The following IL27 variants were observed in gnomAD, a reference collection of about 807,000 sequenced individuals.
IL27 encodes interleukin-27 subunit alpha.
IL27 carries 11 observed loss-of-function variants against 27.0 expected under a neutral mutation model. The observed-to-expected ratio is 0.41, with a 90% CI of 0.26 to 0.67. The LOEUF (loss-of-function observed/expected upper bound fraction) is 0.67, where lower values mean the gene tolerates loss of function less well. IL27 is among the 30% of genes least tolerant of loss of function. IL27 has a pLI of 0.34. For synonymous variants in IL27, 134 were observed against 140.6 expected (o/e 0.95, Z 0.33); for missense variants, 299 against 310.4 (o/e 0.96, Z 0.28).
In IL27 at chr16:28,501,966, C is replaced by A. The variant is rs562619133; in HGVS notation, c.462+10G>T. On this transcript the variant is annotated intron_variant, in intron 4 of 4. Transcript: ENST00000356897. ...GTGGTCTGGGGTGGTGGAGGGTGGC[C>A]GGGCTCTACCTGGAAGCGGAGGTGC... 6.3e-7 allele frequency: 1 copy of A among 1,598,786 alleles called. No homozygotes were observed.
At position 28,499,903 on chromosome 16, in the gene IL27, GA is replaced by G; in HGVS notation, c.479del (p.Phe160SerfsTer80). The G allele has an allele frequency of 6.5e-7, 1 of 1,549,552 alleles. No individual in the cohort carries two copies. Among genetic ancestry groups the G allele is most frequent in the Non-Finnish European group, 8.7e-7 (1 of 1,145,588 alleles). On this transcript the variant is annotated frameshift_variant, in exon 5 of 5. Transcript: ENST00000356897. LOFTEE classifies it high-confidence loss of function. ...HLRFQVLAAG[F>X]NLPEEEEEEE... ...CCTCCTCCTCCTCCTCCGGGAGGTTGAATCCTGCAGCCAGCACCTGTGAGGA... is the reference window on the plus strand; with the variant it reads ...CCTCCTCCTCCTCCTCCGGGAGGTTGATCCTGCAGCCAGCACCTGTGAGGA...
chr16:28,504,955 G>A (rs938114002), intron 1 of IL27, among the ~76,000 whole-genome samples: 2 of 152,190 alleles, frequency 1.3e-5, no homozygotes, highest in Non-Finnish European at 2.9e-5. Context: ...GCACAACCAC[G>A]TGTGGCAGCC....
At position 28,506,787 on chromosome 16, in the gene IL27, C is replaced by G. The variant is rs1203543043; in HGVS notation, c.25G>C (p.Gly9Arg). 1 of 1,612,232 alleles carries G rather than the reference C, an allele frequency of 6.2e-7. No individual in the cohort carries two copies. Residue 9 changes from glycine (G) to arginine (R), a missense_variant, in exon 1 of 5, where the codon GGC becomes CGC. Transcript: ENST00000356897. MGQTAGDL[G>R]WRLSLLLLPL... Reference sequence around the variant, plus strand: ...CCCCTGGCTTCAAACTCACGCCAGCCAAGGTCGCCTGCCGTCTGGCCCATG... The same window carrying G: ...CCCCTGGCTTCAAACTCACGCCAGCGAAGGTCGCCTGCCGTCTGGCCCATG...
intron 1 of IL27, among the ~76,000 whole-genome samples, chr16:28,506,341 A>G (rs756131649): frequency 6.6e-6 from 1 of 152,088 alleles, no homozygotes; most frequent in Non-Finnish European, 1.5e-5. Context: ...TCCAACATCA[A>G]ACTAAAGACC....
chr16:28,499,736 C>G lies in IL27; in HGVS notation c.647G>C (p.Arg216Pro), dbSNP rs1333445934. ...CAGCAGCAGCAACTCCCGCACGGCC[C>G]GAGATAAGACGAGCTCCAAGGAGTG... ...LLHSLELVLSRAVRELLLLSK... is the reference protein window; with the variant it reads ...LLHSLELVLSPAVRELLLLSK... The change falls in exon 5 of 5, where the codon CGG (arginine) becomes CCG (proline). Residue 216 changes from arginine to proline, a missense_variant. Coordinates refer to ENST00000356897, the MANE Select transcript of IL27 (RefSeq NM_145659.3). 6.2e-7 allele frequency: 1 copy of G among 1,613,328 alleles called. No individual in the cohort carries two copies. Among genetic ancestry groups the G allele is most frequent in the Non-Finnish European group, 8.5e-7 (1 of 1,179,770 alleles).
Position 28,502,141 on chromosome 16 carries a change from G to A in IL27, c.304-7C>T. On this transcript the variant is annotated splice_polypyrimidine_tract_variant and splice_region_variant and intron_variant, in intron 3 of 4. Transcript: ENST00000356897. ...AGCAGAGACGCTCCGGGTCCTGAAG[G>A]GGAGGGAGATGGTCAGGAAAGGTCC... is the stretch of plus-strand genomic sequence containing the variant. 1.9e-6 allele frequency: 3 copies of A among 1,588,476 alleles called. No individual in the cohort carries two copies. The highest frequency in any genetic ancestry group is 2.6e-6 in the Non-Finnish European group (3 of 1,166,560).
chr16:28,500,690 G>A (rs2046424633), intron 4 of IL27, among the ~76,000 whole-genome samples: 1 of 152,200 alleles, frequency 6.6e-6, no homozygotes, highest in Non-Finnish European at 1.5e-5. Flanking sequence ...GGAAACAGGA[G>A]GCAGACGCTG....
chr16:28,501,463 C>G (rs1342817230), intron 4 of IL27, among the ~76,000 whole-genome samples: 1 of 150,790 alleles, frequency 6.6e-6, no homozygotes, highest in East Asian at 2.0e-4. Context: ...CTCACACACT[C>G]ACAGCCACAC....
intron 4 of IL27, among the ~76,000 whole-genome samples, 157 bp downstream of exon 4, chr16:28,501,819 A>G (rs2046433265): frequency 6.7e-6 from 1 of 148,582 alleles, no homozygotes; most frequent in Non-Finnish European, 1.5e-5. Context: ...ACGGACCCAC[A>G]CAGTCACTCT....
rs1236995635 is a variant in IL27 at position 28,499,429 on chromosome 16, GA to G, written c.*221del. The G allele has an allele frequency of 1.9e-6, 1 of 531,312 alleles. No homozygotes were observed. The highest frequency in any genetic ancestry group is 1.9e-5 in the African/African-American group (1 of 53,072). The allele number at this position is 531,312 out of a possible 1,614,324, so 32.9% of individuals were successfully genotyped here. A position where few individuals can be genotyped will look rare whatever the true frequency, so the allele number is the denominator to read the frequency against. On this transcript the variant is annotated 3_prime_UTR_variant, in exon 5 of 5. Coordinates refer to ENST00000356897, the MANE Select transcript of IL27 (RefSeq NM_145659.3). ...CCCGAGGAGGACCATCGGGCCCCAA[GA>G]CAATAAATAAACCATCATCTCCCTA...
intron 1 of IL27, among the ~76,000 whole-genome samples, chr16:28,504,736 C>T (rs987235562): frequency 2.0e-5 from 3 of 152,076 alleles, no homozygotes; most frequent in African/African-American, 7.2e-5. Context: ...AGGGACACAC[C>T]ACTGTGCCTA....
At chr16:28,500,571 A>C (rs2046424282) in intron 4 of IL27, among the ~76,000 whole-genome samples, 1 of 151,416 alleles carries the variant, frequency 6.6e-6, no homozygotes, top group Non-Finnish European at 1.5e-5. Context: ...CACCACGCCC[A>C]GCCCTGCTGC....
intron 1 of IL27, among the ~76,000 whole-genome samples, chr16:28,504,505 C>T (rs1163101451): frequency 6.6e-6 from 1 of 151,642 alleles, no homozygotes; most frequent in Admixed American, 6.6e-5. Context: ...CAAAACAAAA[C>T]CCCACGATGC....
Position 28,499,711 on chromosome 16 carries a change from C to G in IL27, c.672G>C (p.Leu224=). The change falls in exon 5 of 5, where the codon CTG becomes CTC. Residue 224 remains leucine, a synonymous_variant. Transcript: ENST00000356897. ...LSRAVRELLL[L]SKAGHSVWPL... ...GCCAGACTGAGTGCCCAGCCTTGGA[C>G]AGCAGCAGCAACTCCCGCACGGCCC... The G allele has an allele frequency of 6.2e-7, 1 of 1,613,578 alleles. No homozygotes were observed. The highest frequency in any genetic ancestry group is 1.1e-5 in the South Asian group (1 of 90,930).
intron 4 of IL27, among the ~76,000 whole-genome samples, chr16:28,501,716 C>T (rs1488071774): frequency 6.7e-6 from 1 of 148,284 alleles, no homozygotes; most frequent in Non-Finnish European, 1.5e-5. Flanking sequence ...CACTCCCACA[C>T]ACTCTCACAC....
intron 3 of IL27, among the ~76,000 whole-genome samples, chr16:28,502,957 G>A (rs2046441046): frequency 6.6e-6 from 1 of 152,128 alleles, no homozygotes; most frequent in Non-Finnish European, 1.5e-5. Context: ...CGAGTAGCTG[G>A]GATTACAGGC....
chr16:28,504,161 G>C (rs1289284976), intron 1 of IL27, 111 bp from the exon 2 acceptor site: 4 of 1,133,588 alleles, frequency 3.5e-6, no homozygotes, highest in Non-Finnish European at 4.9e-6. Context: ...ACTTTGACCA[G>C]CATCATTCCT....
intron 3 of IL27, among the ~76,000 whole-genome samples, chr16:28,503,373 C>A (rs1442749964): frequency 1.3e-5 from 2 of 152,168 alleles, no homozygotes; most frequent in African/African-American, 4.8e-5. Flanking sequence ...TGTCAGCCTC[C>A]TGAGTAGCTG....
chr16:28,500,772 G>A (rs556135051), intron 4 of IL27, among the ~76,000 whole-genome samples: 8 of 152,324 alleles, frequency 5.3e-5, no homozygotes, highest in Admixed American at 2.0e-4. Flanking sequence ...AGAGCCCCAG[G>A]AGAATGTGAA....
Sources: gnomAD v4.1 joint callset for allele counts (sites outside exome capture counted in the v4.1 genomes callset) on GRCh38, gnomAD v4.1.1 for gene constraint, MANE v1.5 for transcripts, NCBI Gene and HGNC (gene_info 2026-07-23, HGNC 2026-07-21) for gene names.